The following ZXDC variants were observed in gnomAD, a reference collection of about 807,000 sequenced individuals.
ZXDC encodes the protein zinc finger protein ZXDC.
In ZXDC, 58 loss-of-function variants were observed where a neutral mutation model predicts 63.6. The observed-to-expected ratio is 0.91, with a 90% CI of 0.74 to 1.13. The LOEUF (loss-of-function observed/expected upper bound fraction) is 1.13. ZXDC is among the 50% of genes most tolerant of loss of function. The pLI is 0.00. For missense variants in ZXDC, 1,133 were observed against 1,148.9 expected (o/e 0.99, Z 0.20); for synonymous variants, 561 against 496.1 (o/e 1.13, Z -1.74).
intron 7 of ZXDC, chr3:126,455,219 G>A: frequency 3.0e-6 from 1 of 329,446 alleles, no homozygotes; most frequent in Non-Finnish European, 4.3e-6. Context: ...CTGATGTAAA[G>A]CTATTTACAG....
chr3:126,448,586 C>T (rs114511569), intron 7 of ZXDC, among the ~76,000 whole-genome samples: 3,966 of 152,270 alleles, frequency 0.026, 71 homozygotes, highest in Non-Finnish European at 0.039. Flanking sequence ...GGGCATGGCA[C>T]GGCCATGCAC....
At chr3:126,474,876 C>G in intron 1 of ZXDC, 83 bp downstream of exon 1, 3 of 1,438,922 alleles carry the variant, frequency 2.1e-6, no homozygotes, top group Non-Finnish European at 2.8e-6. Flanking sequence ...TAAGGTCTGG[C>G]AGGCCCCTCT....
In ZXDC at chr3:126,461,714, C is replaced by T; in HGVS notation, c.1948G>A (p.Ala650Thr). The T allele has an allele frequency of 6.2e-7, 1 of 1,613,872 alleles. No individual in the cohort carries two copies. The highest frequency in any genetic ancestry group is 8.5e-7 in the Non-Finnish European group (1 of 1,179,962). The change falls in exon 6 of 10, where the codon GCC (alanine) becomes ACC (threonine). Residue 650 changes from alanine to threonine, a missense_variant. Coordinates refer to ENST00000389709, the MANE Select transcript of ZXDC (RefSeq NM_025112.5). ...GGAGCCAGCAGTTCCGGGACACTGGCATTTTCTCGGGGGGTGCTCGAAGAG... is the reference window on the plus strand; with the variant it reads ...GGAGCCAGCAGTTCCGGGACACTGGTATTTTCTCGGGGGGTGCTCGAAGAG... ...PTSSSTPREN[A>T]SVPELLAPIK... is the part of the protein sequence containing the mutation.
At chr3:126,444,034 A>C (rs1044002417) in intron 7 of ZXDC, among the ~76,000 whole-genome samples, 1 of 152,286 alleles carries the variant, frequency 6.6e-6, no homozygotes, top group South Asian at 2.1e-4. Context: ...TCAATTAAAA[A>C]CTTTTTTAAA....
chr3:126,453,483 G>A (rs138558801), intron 7 of ZXDC: 2 of 985,388 alleles, frequency 2.0e-6, no homozygotes, highest in Non-Finnish European at 2.4e-6. Flanking sequence ...CATCCCTTGT[G>A]TTCCATATAC....
In ZXDC at chr3:126,439,747, A is replaced by G. The variant is rs1444534784; in HGVS notation, c.2395-20T>C. ...GTCATCCTGGGAAGGCAACACAGAA[A>G]GGCCTGTCACATGTCTGTGAGAGTG... is the stretch of plus-strand genomic sequence containing the variant. On this transcript the variant is annotated intron_variant, in intron 8 of 9. Transcript: ENST00000389709. 3 of 1,547,540 alleles carry G rather than the reference A, an allele frequency of 1.9e-6. No homozygotes were observed. Among genetic ancestry groups the G allele is most frequent in the Non-Finnish European group, 2.6e-6 (3 of 1,145,920 alleles).
chr3:126,458,606 TTTA>T, intron 7 of ZXDC: 1 of 985,374 alleles, frequency 1.0e-6, no homozygotes, highest in Non-Finnish European at 1.2e-6. Context: ...TCAAACCTCC[TTTA>T]TAGATAGTAC....
rs1366478427 is a variant in ZXDC at position 126,475,653 on chromosome 3, G to A, written c.213C>T (p.Asp71=). The part of the protein sequence containing the change: ...PSPPPAEDDS[D]GDSFLVLLEV... ...CCAGCAGCACCAAGAAAGAGTCGCCGTCGCTGTCGTCCTCGGCGGGCGGCG... is the reference window on the plus strand; with the variant it reads ...CCAGCAGCACCAAGAAAGAGTCGCCATCGCTGTCGTCCTCGGCGGGCGGCG... Residue 71 remains aspartate (D), a synonymous_variant, in exon 1 of 10, where the codon GAC becomes GAT. Transcript: ENST00000389709. The A allele has an allele frequency of 1.4e-6, 2 of 1,454,622 alleles. No homozygotes were observed. The highest frequency in any genetic ancestry group is 2.2e-5 in the Admixed American group (1 of 46,086). 90.1% of individuals were successfully genotyped at this position (1,454,622 alleles called of 1,614,324 possible).
chr3:126,462,262 G>A (rs866012213), intron 5 of ZXDC, 42 bp from the exon 6 acceptor site: 19 of 1,538,456 alleles, frequency 1.2e-5, no homozygotes, highest in Middle Eastern at 4.2e-4. Flanking sequence ...TTATGACCTT[G>A]AAGACTGAGT....
chr3:126,460,713 CAG>C, intron 6 of ZXDC: 1 of 985,398 alleles, frequency 1.0e-6, no homozygotes, highest in South Asian at 4.7e-5. Context: ...AATGCAGAGA[CAG>C]AGACTGTCCT....
intron 7 of ZXDC, among the ~76,000 whole-genome samples, chr3:126,446,421 C>T (rs369440403): frequency 3.3e-5 from 5 of 152,164 alleles, no homozygotes; most frequent in Admixed American, 1.3e-4. Flanking sequence ...CGTGCCATGA[C>T]GAGAATTAGG....
At chr3:126,453,944 TCAGAAAACATAGTACTG>T in intron 7 of ZXDC, 2 of 983,202 alleles carry the variant, frequency 2.0e-6, no homozygotes, top group Non-Finnish European at 2.4e-6. Context: ...CATATTATGA[TCAGAAAACATAGTACTG>T]CCTATACATG....
At chr3:126,469,323 C>CAGTGGCACATCCCCTGCCCT (rs1934890980) in intron 4 of ZXDC, among the ~76,000 whole-genome samples, 1 of 152,142 alleles carries the variant, frequency 6.6e-6, no homozygotes, top group Non-Finnish European at 1.5e-5. Flanking sequence ...TCCCCAGCAC[C>CAGTGGCACATCCCCTGCCCT]AGTGGCACAT....
At chr3:126,448,848 C>T (rs1933982231) in intron 7 of ZXDC, among the ~76,000 whole-genome samples, 2 of 152,248 alleles carry the variant, frequency 1.3e-5, no homozygotes, top group Non-Finnish European at 1.5e-5. Flanking sequence ...CCTAATGTTC[C>T]CACTGCCAAA....
chr3:126,457,880 CG>C (rs1934368853), intron 7 of ZXDC, among the ~76,000 whole-genome samples: 1 of 152,104 alleles, frequency 6.6e-6, no homozygotes, highest in Non-Finnish European at 1.5e-5. Flanking sequence ...AACCACTAAA[CG>C]TAACTACTAA....
At position 126,461,635 on chromosome 3, in the gene ZXDC, T is replaced by C. The variant is rs761271901; in HGVS notation, c.2027A>G (p.Glu676Gly). ...PSRPGAVGQQ[E>G]GSHGLPQSTL... ...GGACTGGGGCAGCCCATGGCTTCCT[T>C]CCTGCTGCCCAACTGCTCCTGGGCG... is the stretch of plus-strand genomic sequence containing the variant. Residue 676 changes from glutamate (E) to glycine (G), a missense_variant, in exon 6 of 10, where the codon GAA becomes GGA. Physicochemically the swap from Glu to Gly is moderately conservative, Grantham distance 98. Transcript: ENST00000389709. 2 of 1,613,778 alleles carry C rather than the reference T, an allele frequency of 1.2e-6. No individual in the cohort carries two copies. Among genetic ancestry groups the C allele is most frequent in the East Asian group, 2.2e-5 (1 of 44,810 alleles).
chr3:126,459,911 A>G (rs1021755403), intron 6 of ZXDC, 174 bp from the exon 7 acceptor site: 11 of 985,368 alleles, frequency 1.1e-5, no homozygotes, highest in Non-Finnish European at 1.2e-5. Flanking sequence ...GCGAGGGCCG[A>G]ACAAACTTGG....
chr3:126,458,685 G>T (rs1327107662), intron 7 of ZXDC: 1 of 985,266 alleles, frequency 1.0e-6, no homozygotes, highest in Non-Finnish European at 1.2e-6. Flanking sequence ...TTTTCTTCAA[G>T]ATTATCTACC....
rs564224199 is a variant in ZXDC at position 126,471,634 on chromosome 3, AG to A, written c.1139+338del. Among the ~76,000 whole-genome samples the A allele has an allele frequency of 4.4e-4, 67 of 152,288 alleles. 2 individuals are homozygous for A. The South Asian group carries it at 0.013, about 31-fold the overall frequency. ...TGAGTGTCACCTGGACACAGTCTCCAGGGTTGTCATTACCACCATGAAAACT... is the reference window on the plus strand; with the variant it reads ...TGAGTGTCACCTGGACACAGTCTCCAGGTTGTCATTACCACCATGAAAACT... On this transcript the variant is annotated intron_variant, in intron 3 of 9. Transcript: ENST00000389709.
Sources: allele counts gnomAD v4.1 joint callset (sites outside exome capture counted in the v4.1 genomes callset), GRCh38; gene constraint gnomAD v4.1.1; transcripts MANE v1.5; gene names NCBI Gene and HGNC (gene_info 2026-07-23, HGNC 2026-07-21).